ASIC2: variants seen among roughly 807,000 people sequenced by gnomAD.
ASIC2 encodes acid sensing ion channel subunit 2.
A neutral mutation model predicts 57.3 loss-of-function variants in ASIC2; 25 were observed. That is an observed-to-expected ratio of 0.44 (90% CI 0.32 to 0.61). ASIC2 has a LOEUF of 0.61. Ranked by LOEUF, ASIC2 falls within the 20% of genes least tolerant of loss-of-function variation. ASIC2 has a pLI of 0.06. For missense variants in ASIC2, 641 were observed against 738.1 expected, an observed-to-expected ratio of 0.87 and a Z score of 1.52; for synonymous variants, 319 against 307.5, an observed-to-expected ratio of 1.04 and a Z score of -0.39.
At chr17:33,412,376 A>G (rs530238456) in intron 1 of ASIC2, among the ~76,000 whole-genome samples, 7 of 152,244 alleles carry the variant, frequency 4.6e-5, no homozygotes, top group Admixed American at 3.9e-4. Context: ...AGAGGGGTAG[A>G]GAGGGGGTGC....
intron 1 of ASIC2, among the ~76,000 whole-genome samples, chr17:33,114,193 G>A (rs1034571990): frequency 1.3e-5 from 2 of 152,336 alleles, no homozygotes; most frequent in South Asian, 2.1e-4. Flanking sequence ...TGGCAGAGGA[G>A]AACAGCTGGA....
intron 1 of ASIC2, among the ~76,000 whole-genome samples, chr17:33,403,694 C>T (rs1241787886): frequency 6.6e-6 from 1 of 152,198 alleles, no homozygotes; most frequent in African/African-American, 2.4e-5. Flanking sequence ...AGGGAAGAAA[C>T]CAGCCTTCCT....
At chr17:33,075,676 TG>T (rs1160429234) in intron 3 of ASIC2, among the ~76,000 whole-genome samples, 51 of 152,224 alleles carry the variant, frequency 3.4e-4, no homozygotes, top group African/African-American at 9.9e-4. Flanking sequence ...GGGGGAAACT[TG>T]GGGGCTCACT....
At chr17:33,024,160 G>A (rs1489924668) in intron 5 of ASIC2, 146 bp from the exon 6 acceptor site, 2 of 1,030,410 alleles carry the variant, frequency 1.9e-6, no homozygotes, top group Admixed American at 2.4e-5. Flanking sequence ...TGTGGAGAGA[G>A]GGGAACTGGG....
chr17:33,766,628 G>GATT (rs1180113432), intron 1 of ASIC2, among the ~76,000 whole-genome samples: 5 of 151,996 alleles, frequency 3.3e-5, no homozygotes, highest in African/African-American at 9.7e-5. Flanking sequence ...CTAAATGTGG[G>GATT]ATTATTATTA....
At chr17:33,121,098 G>A (rs994406517) in intron 1 of ASIC2, among the ~76,000 whole-genome samples, 7 of 152,216 alleles carry the variant, frequency 4.6e-5, no homozygotes, top group African/African-American at 9.6e-5. Context: ...AAAAGGCTCC[G>A]CCCAGGCAGG....
intron 1 of ASIC2, among the ~76,000 whole-genome samples, chr17:33,711,393 AC>A (rs1417265107): frequency 6.6e-6 from 1 of 152,048 alleles, no homozygotes; most frequent in Non-Finnish European, 1.5e-5. Flanking sequence ...AGTTATACCC[AC>A]CTGGGTGAGA....
At chr17:33,538,858 A>T (rs1915319180) in intron 1 of ASIC2, among the ~76,000 whole-genome samples, 1 of 152,190 alleles carries the variant, frequency 6.6e-6, no homozygotes, top group African/African-American at 2.4e-5. Context: ...TAGAACAGTG[A>T]AATTTGAGTT....
At chr17:33,897,454 G>A (rs1034525494) in intron 1 of ASIC2, among the ~76,000 whole-genome samples, 15 of 152,202 alleles carry the variant, frequency 9.9e-5, no homozygotes, top group African/African-American at 3.6e-4. Context: ...ACATAGCACA[G>A]CATCTGCTAT....
chr17:33,435,539 C>T (rs190330738), intron 1 of ASIC2, among the ~76,000 whole-genome samples: 15 of 152,242 alleles, frequency 9.9e-5, no homozygotes, highest in East Asian at 5.8e-4. Flanking sequence ...CCCCCACTGC[C>T]GCCATACAAA....
At chr17:33,554,594 G>A (rs1219028483) in intron 1 of ASIC2, among the ~76,000 whole-genome samples, 1 of 152,184 alleles carries the variant, frequency 6.6e-6, no homozygotes, top group East Asian at 1.9e-4. Flanking sequence ...CCCTGCTAGT[G>A]TCTGTGGCTA....
chr17:33,762,851 A>G (rs1910826689), intron 1 of ASIC2, among the ~76,000 whole-genome samples: 2 of 152,152 alleles, frequency 1.3e-5, no homozygotes, highest in Admixed American at 1.3e-4. Context: ...AGCAGAGGTG[A>G]GTGACTCCTG....
At chr17:33,378,483 C>A (rs1909360414) in intron 1 of ASIC2, among the ~76,000 whole-genome samples, 1 of 152,130 alleles carries the variant, frequency 6.6e-6, no homozygotes, top group South Asian at 2.1e-4. Flanking sequence ...TGCAGGCCTC[C>A]CCTCCGCCTC....
intron 1 of ASIC2, among the ~76,000 whole-genome samples, chr17:33,423,626 C>T (rs1362933920): frequency 6.6e-6 from 1 of 152,148 alleles, no homozygotes; most frequent in African/African-American, 2.4e-5. Context: ...GTGAGGGAGT[C>T]CTCTCTCCTT....
chr17:34,036,577 GC>G (rs1352375594), intron 1 of ASIC2: 4 of 149,962 alleles, frequency 2.7e-5, no homozygotes, highest in Non-Finnish European at 4.4e-5. Context: ...CACCATCCAT[GC>G]AAATTTTATT....
intron 1 of ASIC2, among the ~76,000 whole-genome samples, chr17:33,829,344 C>G (rs186848796): frequency 6.6e-6 from 1 of 152,206 alleles, no homozygotes; most frequent in African/African-American, 2.4e-5. Flanking sequence ...TTCTTGATGT[C>G]TGTGTTTGTA....
intron 1 of ASIC2, among the ~76,000 whole-genome samples, chr17:33,494,938 G>T (rs1221026666): frequency 6.6e-6 from 1 of 152,142 alleles, no homozygotes; most frequent in Non-Finnish European, 1.5e-5. Context: ...GTGCTCCAGG[G>T]TCTCTCTCTA....
At chr17:33,309,356 A>G (rs987128300) in intron 1 of ASIC2, among the ~76,000 whole-genome samples, 11 of 152,212 alleles carry the variant, frequency 7.2e-5, no homozygotes, top group African/African-American at 2.7e-4. Context: ...GGTAGATTCA[A>G]TATTTCAATC....
At chr17:33,951,979 C>G (rs1467842) in intron 1 of ASIC2, among the ~76,000 whole-genome samples, 41,582 of 151,968 alleles carry the variant, frequency 0.27, 6,227 homozygotes, top group Admixed American at 0.36. Context: ...TGGTTACACA[C>G]GTGTGATCAA....
Sources: gnomAD v4.1 joint callset for allele counts (sites outside exome capture counted in the v4.1 genomes callset) on GRCh38, gnomAD v4.1.1 for gene constraint, MANE v1.5 for transcripts, NCBI Gene and HGNC (gene_info 2026-07-23, HGNC 2026-07-21) for gene names.